OSBP2: variants seen among roughly 807,000 people sequenced by gnomAD.
The protein encoded by OSBP2 is oxysterol-binding protein 2.
A neutral mutation model predicts 96.0 loss-of-function variants in OSBP2; 66 were observed. The ratio of observed to expected loss-of-function variants is 0.69; its 90% CI spans 0.56 to 0.84. The LOEUF is 0.84. Ranked by LOEUF, OSBP2 falls within the 40% of genes least tolerant of loss-of-function variation. The pLI is 0.00. For missense variants in OSBP2, 1,038 were observed against 1,222.7 expected, an observed-to-expected ratio of 0.85 and a Z score of 2.25; for synonymous variants, 525 against 520.9, an observed-to-expected ratio of 1.01 and a Z score of -0.11.
intron 2 of OSBP2, among the ~76,000 whole-genome samples, chr22:30,814,520 C>T (rs534324084): frequency 2.6e-5 from 4 of 151,726 alleles, no homozygotes; most frequent in African/African-American, 2.4e-5. Context: ...CAACCTCCGC[C>T]TCCCGGGTTC....
chr22:30,884,752 T>C (rs1245499451), intron 3 of OSBP2, among the ~76,000 whole-genome samples: 1 of 152,102 alleles, frequency 6.6e-6, no homozygotes, highest in African/African-American at 2.4e-5. Context: ...CTCCCACCCT[T>C]GGAGGTGTTC....
At chr22:30,852,564 T>C (rs1327071092) in intron 2 of OSBP2, among the ~76,000 whole-genome samples, 1 of 152,070 alleles carries the variant, frequency 6.6e-6, no homozygotes. Context: ...ATTTATCAAT[T>C]TTATTGATCT....
intron 2 of OSBP2, among the ~76,000 whole-genome samples, chr22:30,834,314 C>T (rs1017640819): frequency 2.6e-5 from 4 of 152,264 alleles, no homozygotes; most frequent in South Asian, 2.1e-4. Context: ...AACACAAAAG[C>T]GCATAAACTT....
chr22:30,700,623 G>A (rs563027824), intron 1 of OSBP2, among the ~76,000 whole-genome samples: 1 of 152,082 alleles, frequency 6.6e-6, no homozygotes, highest in East Asian at 1.9e-4. Flanking sequence ...CATTATAAAT[G>A]ACATTTATTT....
At chr22:30,840,423 G>A (rs757815411) in intron 2 of OSBP2, among the ~76,000 whole-genome samples, 1 of 152,046 alleles carries the variant, frequency 6.6e-6, no homozygotes, top group Admixed American at 6.5e-5. Context: ...TGGAAGATTG[G>A]CATTTCTAAC....
intron 1 of OSBP2, among the ~76,000 whole-genome samples, chr22:30,702,667 T>C (rs951568788): frequency 2.0e-5 from 3 of 152,134 alleles, no homozygotes; most frequent in Non-Finnish European, 4.4e-5. Context: ...CCTTCTCCTG[T>C]GTAAGCAGAT....
intron 1 of OSBP2, among the ~76,000 whole-genome samples, chr22:30,720,446 C>T (rs2145702673): frequency 6.6e-6 from 1 of 152,244 alleles, no homozygotes; most frequent in South Asian, 2.1e-4. Context: ...GTGGATTTCT[C>T]CAAAGGGCCG....
chr22:30,895,002 G>A (rs560745091), intron 12 of OSBP2, among the ~76,000 whole-genome samples: 1 of 152,300 alleles, frequency 6.6e-6, no homozygotes, highest in South Asian at 2.1e-4. Context: ...CCAGAGGGAA[G>A]ATCTGAGAAT....
intron 1 of OSBP2, among the ~76,000 whole-genome samples, chr22:30,730,721 T>TCTCTCTCTCTCC (rs1569100148): frequency 4.0e-3 from 47 of 11,886 alleles, no homozygotes; most frequent in Admixed American, 0.012. Flanking sequence ...GCCCTGTCTC[T>TCTCTCTCTCTCC]CTCTCTCTCT....
intron 1 of OSBP2, among the ~76,000 whole-genome samples, chr22:30,722,450 A>G (rs549327897): frequency 2.0e-5 from 3 of 152,274 alleles, no homozygotes; most frequent in African/African-American, 7.2e-5. Context: ...TACAGTGTGT[A>G]TCTCTTTAGA....
chr22:30,694,630 T>C (rs368086078), upstream of OSBP2, among the ~76,000 whole-genome samples: 3 of 334 alleles, frequency 9.0e-3, no homozygotes, highest in African/African-American at 0.05. Flanking sequence ...GCCATCCCCT[T>C]CGGAGTTGAC....
chr22:30,856,316 T>TCTGCC (rs931507438), intron 2 of OSBP2, among the ~76,000 whole-genome samples: 2 of 151,908 alleles, frequency 1.3e-5, no homozygotes, highest in Non-Finnish European at 2.9e-5. Context: ...GTCAGAATGT[T>TCTGCC]CTGCCCGAGC....
chr22:30,782,100 T>G (rs2090526158), intron 2 of OSBP2, among the ~76,000 whole-genome samples: 1 of 152,088 alleles, frequency 6.6e-6, no homozygotes, highest in African/African-American at 2.4e-5. Context: ...GAGCCGAGAT[T>G]ACGCCACTGC....
At chr22:30,717,548 C>A (rs1171866508) in intron 1 of OSBP2, among the ~76,000 whole-genome samples, 3 of 152,194 alleles carry the variant, frequency 2.0e-5, no homozygotes, top group Non-Finnish European at 4.4e-5. Flanking sequence ...CCTCTAGAGT[C>A]CCTTCTCACA....
intron 2 of OSBP2, among the ~76,000 whole-genome samples, chr22:30,810,544 G>C (rs1332461854): frequency 1.1e-4 from 16 of 152,140 alleles, no homozygotes; most frequent in Admixed American, 9.8e-4. Flanking sequence ...AAGGTCACTG[G>C]TGTCCACGGC....
intron 2 of OSBP2, among the ~76,000 whole-genome samples, chr22:30,756,672 G>A (rs897905094): frequency 5.3e-5 from 8 of 152,174 alleles, no homozygotes; most frequent in Admixed American, 1.3e-4. Flanking sequence ...CAGCTTGGAC[G>A]ACAGAGCGAG....
chr22:30,748,922 C>T lies in OSBP2; in HGVS notation c.853+7553C>T, dbSNP rs1010549813. On this transcript the variant is annotated intron_variant, in intron 2 of 13. Coordinates refer to ENST00000332585, the MANE Select transcript of OSBP2 (RefSeq NM_030758.4). ...CCTTAGGTCAGGAGTTCGAGATCAG[C>T]GTGGCCAACATGGTGAAACCCCGTC... Among the ~76,000 whole-genome samples the T allele has an allele frequency of 3.9e-5, 6 of 152,256 alleles. 1 individual carries two copies. In the South Asian group the frequency reaches 8.3e-4, roughly 21 times the overall value.
At chr22:30,732,440 G>A (rs4820898) in intron 1 of OSBP2, among the ~76,000 whole-genome samples, 2 of 152,088 alleles carry the variant, frequency 1.3e-5, no homozygotes, top group Admixed American at 6.6e-5. Context: ...GACCCCTGGC[G>A]GTAGAGTCAC....
chr22:30,812,875 T>A (rs559341664), intron 2 of OSBP2, among the ~76,000 whole-genome samples: 1 of 152,220 alleles, frequency 6.6e-6, no homozygotes, highest in African/African-American at 2.4e-5. Context: ...TCTACTCTTA[T>A]CTGTTTATTT....
Sources: gnomAD v4.1 joint callset for allele counts (sites outside exome capture counted in the v4.1 genomes callset) on GRCh38, gnomAD v4.1.1 for gene constraint, MANE v1.5 for transcripts, NCBI Gene and HGNC (gene_info 2026-07-23, HGNC 2026-07-21) for gene names.